Variants in SEM1 observed in about 807,000 individuals in gnomAD.
The protein encoded by SEM1 is SEM1 26S proteasome subunit, also known as 26S proteasome complex subunit SEM1.
Under a neutral mutation model 12.7 loss-of-function variants are expected in SEM1, and 3 were observed. The observed-to-expected ratio is 0.24, with a 90% CI of 0.11 to 0.61. The LOEUF is 0.61. Ranked by LOEUF, SEM1 falls within the 20% of genes least tolerant of loss-of-function variation. The pLI, the probability that SEM1 is intolerant of heterozygous loss-of-function variation, is 0.88. For missense variants in SEM1, 59 were observed against 81.3 expected (o/e 0.73, Z 1.06); for synonymous variants, 30 against 27.8 (o/e 1.08, Z -0.25).
chr7:96,652,518 T>C (rs1174652024), intron 2 of SEM1, among the ~76,000 whole-genome samples: 2 of 152,052 alleles, frequency 1.3e-5, no homozygotes, highest in African/African-American at 4.8e-5. Flanking sequence ...AGTATCAAGA[T>C]ATATGCTACA....
At chr7:96,653,367 A>C (rs1809064480) in intron 2 of SEM1, among the ~76,000 whole-genome samples, 1 of 152,232 alleles carries the variant, frequency 6.6e-6, no homozygotes, top group African/African-American at 2.4e-5. Flanking sequence ...ACTTATTGGG[A>C]TCTACAGAGA....
chr7:96,564,210 T>C (rs1388835509), intron 2 of SEM1, among the ~76,000 whole-genome samples: 2 of 152,106 alleles, frequency 1.3e-5, no homozygotes, highest in East Asian at 3.9e-4. Flanking sequence ...TACATTCTTC[T>C]AAAAATTTTT....
chr7:96,705,819 C>T (rs75110532), intron 1 of SEM1, among the ~76,000 whole-genome samples: 1 of 96,452 alleles, frequency 1.0e-5, no homozygotes, highest in Non-Finnish European at 2.2e-5. Flanking sequence ...GACTCTGTCT[C>T]AAAAAAAAAA....
chr7:96,573,109 GTT>G (rs142630776), intron 2 of SEM1, among the ~76,000 whole-genome samples: 26,405 of 135,988 alleles, frequency 0.19, 2,509 homozygotes, highest in African/African-American at 0.28. Context: ...TGCAACCCCT[GTT>G]TTTTTTTTTT....
At chr7:96,681,175 G>A (rs1460906503) in intron 2 of SEM1, among the ~76,000 whole-genome samples, 1 of 152,124 alleles carries the variant, frequency 6.6e-6, no homozygotes, top group Non-Finnish European at 1.5e-5. Flanking sequence ...ATCAAGTGGT[G>A]TGTGTCAATA....
At chr7:96,548,502 G>A (rs1263306942) in intron 2 of SEM1, among the ~76,000 whole-genome samples, 1 of 152,066 alleles carries the variant, frequency 6.6e-6, no homozygotes, top group Non-Finnish European at 1.5e-5. Context: ...AAATCTATAT[G>A]TATACTAAAT....
intron 2 of SEM1, among the ~76,000 whole-genome samples, chr7:96,558,694 C>T (rs748588734): frequency 1.3e-5 from 2 of 152,118 alleles, no homozygotes; most frequent in African/African-American, 2.4e-5. Flanking sequence ...AGAAGGTCTT[C>T]GTAAACTGCT....
chr7:96,645,542 A>G (rs1291795722), intron 2 of SEM1: 1 of 385,712 alleles, frequency 2.6e-6, no homozygotes, highest in Non-Finnish European at 4.6e-6. Context: ...AAAAGAGGAC[A>G]GCTTATATAA....
chr7:96,687,749 A>AT (rs1303441680), downstream of SEM1, among the ~76,000 whole-genome samples: 4 of 152,004 alleles, frequency 2.6e-5, no homozygotes, highest in Non-Finnish European at 4.4e-5. Flanking sequence ...TAACCTGCAC[A>AT]TTGTGCACAT....
At chr7:96,584,930 G>A (rs186154123) in intron 2 of SEM1, among the ~76,000 whole-genome samples, 23,186 of 144,322 alleles carry the variant, frequency 0.16, 2,003 homozygotes, top group Middle Eastern at 0.21. Context: ...CCTGTAGCTC[G>A]GAGTAATTTG....
rs1323793677 is a variant in SEM1 at position 96,709,672 on chromosome 7, G to A, written c.76+16C>T. 4 of 1,611,960 alleles carry A rather than the reference G, an allele frequency of 2.5e-6. No homozygotes were observed. Among genetic ancestry groups the A allele is most frequent in the East Asian group, 4.5e-5 (2 of 44,660 alleles). On this transcript the variant is annotated intron_variant, in intron 1 of 2. Coordinates refer to ENST00000248566, the MANE Select transcript of SEM1 (RefSeq NM_006304.2). ...TCACCGTTCGCGCGACACAGAAACC[G>A]GGGCCCAGCGGTTACCTTCGGCAGG...
At chr7:96,575,006 C>T (rs1806159387) in intron 2 of SEM1, among the ~76,000 whole-genome samples, 1 of 152,140 alleles carries the variant, frequency 6.6e-6, no homozygotes, top group Admixed American at 6.5e-5. Flanking sequence ...TGTTCCCTTG[C>T]TGGCGAGGAC....
downstream of SEM1, among the ~76,000 whole-genome samples, chr7:96,672,189 T>A (rs1789334053): frequency 6.6e-6 from 1 of 152,196 alleles, no homozygotes; most frequent in South Asian, 2.1e-4. Flanking sequence ...TGCACTTCTA[T>A]CCCTTTTCTT....
chr7:96,693,101 A>C (rs1386480281), intron 2 of SEM1, among the ~76,000 whole-genome samples: 3 of 152,134 alleles, frequency 2.0e-5, no homozygotes, highest in Admixed American at 2.0e-4. Flanking sequence ...GCCAATAAAA[A>C]AAAATGCAGT....
chr7:96,636,020 A>G (rs1808415266), intron 2 of SEM1, among the ~76,000 whole-genome samples: 1 of 152,106 alleles, frequency 6.6e-6, no homozygotes, highest in African/African-American at 2.4e-5. Flanking sequence ...TAATTTTTCC[A>G]TAATATACTC....
chr7:96,500,356 G>T (rs554972302), upstream of SEM1, among the ~76,000 whole-genome samples: 4 of 152,056 alleles, frequency 2.6e-5, no homozygotes, highest in African/African-American at 4.8e-5. Flanking sequence ...CTGTGAAAAT[G>T]CTGTGATTTC....
At chr7:96,532,322 A>C (rs978927432) in intron 2 of SEM1, among the ~76,000 whole-genome samples, 6 of 152,256 alleles carry the variant, frequency 3.9e-5, no homozygotes, top group Admixed American at 6.5e-5. Flanking sequence ...TGAAAAAAAA[A>C]CCCTCTGATT....
chr7:96,657,821 G>C (rs1809228837), intron 2 of SEM1, among the ~76,000 whole-genome samples: 1 of 152,138 alleles, frequency 6.6e-6, no homozygotes, highest in African/African-American at 2.4e-5. Context: ...CTTTGCCCAG[G>C]GTGGCTGCCT....
intron 2 of SEM1, among the ~76,000 whole-genome samples, chr7:96,650,684 G>A (rs56144616): frequency 0.33 from 50,189 of 150,780 alleles, 9,752 homozygotes; most frequent in African/African-American, 0.55. Flanking sequence ...ACAGATGCGC[G>A]CACACACACA....
Sources: allele counts gnomAD v4.1 joint callset (sites outside exome capture counted in the v4.1 genomes callset), GRCh38; gene constraint gnomAD v4.1.1; transcripts MANE v1.5; gene names NCBI Gene and HGNC (gene_info 2026-07-23, HGNC 2026-07-21).